Variants in BAIAP2L2 observed in about 807,000 individuals in gnomAD.
BAIAP2L2 encodes the protein BAR/IMD domain-containing adapter protein 2-like 2.
In BAIAP2L2, 65 loss-of-function variants were observed where a neutral mutation model predicts 60.4. The observed-to-expected ratio is 1.08, with a 90% confidence interval of 0.88 to 1.32. The LOEUF (loss-of-function observed/expected upper bound fraction) is 1.32, where lower values mean the gene tolerates loss of function less well. Ranked by LOEUF, BAIAP2L2 falls within the 40% of genes most tolerant of loss-of-function variation. The probability of loss-of-function intolerance (pLI) is 0.00; values close to 1 mark genes in which losing one functional copy is unlikely to be tolerated. For synonymous variants in BAIAP2L2, 344 were observed against 301.7 expected, an observed-to-expected ratio of 1.14 and a Z score of -1.45; for missense variants, 836 against 741.2, an observed-to-expected ratio of 1.13 and a Z score of -1.48.
intron 10 of BAIAP2L2, 37 bp downstream of exon 10, chr22:38,088,711 T>TCGGGGGGG: frequency 6.5e-7 from 1 of 1,543,482 alleles, no homozygotes; most frequent in African/African-American, 1.4e-5. Flanking sequence ...GGCCTTCTTC[T>TCGGGGGGG]CAACCCACCC....
At position 38,110,481 on chromosome 22, in the gene BAIAP2L2, G is replaced by A. The variant is rs757594240; in HGVS notation, c.45C>T (p.Ile15=). The change falls in exon 1 of 14, where the codon ATC becomes ATT. Residue 15 remains isoleucine (I), a synonymous_variant. Transcript: ENST00000381669. ...TGGCCACCCATGTGCTCACCTTGTA[G>A]ATGGCCATGGTGGACCTGTAGAACT... is the stretch of plus-strand genomic sequence containing the variant. The part of the protein sequence containing the change: ...MDQFYRSTMA[I]YKSIMEQFNP... 14 of 1,612,058 alleles carry A rather than the reference G, an allele frequency of 8.7e-6. No individual in the cohort carries two copies. The South Asian group carries it at 1.4e-4, about 16-fold the overall frequency.
intron 7 of BAIAP2L2, among the ~76,000 whole-genome samples, chr22:38,094,866 C>T (rs2086392441): frequency 6.7e-6 from 1 of 149,458 alleles, no homozygotes; most frequent in South Asian, 2.2e-4. Flanking sequence ...GAACCCCAAG[C>T]CAGGACCGGG....
chr22:38,107,640 A>G (rs1273012450), intron 4 of BAIAP2L2, among the ~76,000 whole-genome samples: 1 of 152,100 alleles, frequency 6.6e-6, no homozygotes, highest in East Asian at 1.9e-4. Flanking sequence ...TTCTTCCTCT[A>G]TAAAATGGAG....
At chr22:38,103,673 G>A (rs1271095506) in intron 4 of BAIAP2L2, among the ~76,000 whole-genome samples, 1 of 152,064 alleles carries the variant, frequency 6.6e-6, no homozygotes, top group Non-Finnish European at 1.5e-5. Flanking sequence ...GATCAGCCTG[G>A]CCAACAAGGT....
At chr22:38,098,003 T>TGC in intron 6 of BAIAP2L2, 60 bp downstream of exon 6, 6 of 540,968 alleles carry the variant, frequency 1.1e-5, no homozygotes, top group Non-Finnish European at 1.5e-5. Context: ...GGGCCCGGTC[T>TGC]CGCCCCGAGG....
At position 38,088,911 on chromosome 22, in the gene BAIAP2L2, G is replaced by A; in HGVS notation, c.955C>T (p.Arg319Cys). Residue 319 changes from arginine (R) to cysteine (C), a missense_variant, in exon 10 of 14, where the codon CGC (arginine) becomes TGC (cysteine). Coordinates refer to ENST00000381669, the MANE Select transcript of BAIAP2L2 (RefSeq NM_025045.6). ...CTGGCGCCCCCGCCGCCGCCCGGGC[G>A]CTCGCCAAAGGAGTTGGAGCGCGAG... ...QSSRSNSFGERPGGGGGARRV... is the reference protein window; with the variant it reads ...QSSRSNSFGECPGGGGGARRV... 2.6e-6 allele frequency: 4 copies of A among 1,557,648 alleles called. No homozygotes were observed. Among genetic ancestry groups the A allele is most frequent in the Non-Finnish European group, 1.7e-6 (2 of 1,159,198 alleles).
In BAIAP2L2 at chr22:38,108,940, G is replaced by A. The variant is rs548658231; in HGVS notation, c.127+193C>T. Among the ~76,000 whole-genome samples the A allele has an allele frequency of 1.2e-4, 19 of 152,114 alleles. No individual in the cohort carries two copies. In the East Asian group the frequency reaches 2.3e-3, roughly 19 times the overall value. ...TGAGGGGTGCTGGGTGTGGACTGGG[G>A]TGCGTGGGCACAGGAGAGTGGGGGT... On this transcript the variant is annotated intron_variant, in intron 2 of 13. Transcript: ENST00000381669.
intron 1 of BAIAP2L2, 118 bp downstream of exon 1, chr22:38,110,357 A>C (rs1488124643): frequency 1.8e-6 from 2 of 1,086,080 alleles, no homozygotes; most frequent in Non-Finnish European, 2.7e-6. Flanking sequence ...GCCTGGCTCC[A>C]GGCTTCCCTT....
intron 4 of BAIAP2L2, 97 bp downstream of exon 4, chr22:38,107,755 C>T (rs2086693918): frequency 5.0e-6 from 6 of 1,194,798 alleles, no homozygotes; most frequent in Non-Finnish European, 7.4e-6. Flanking sequence ...CACGGTCATC[C>T]TCCCTGGGAA....
At chr22:38,094,053 A>G (rs1431281445) in intron 7 of BAIAP2L2, 2 of 454,984 alleles carry the variant, frequency 4.4e-6, no homozygotes, top group South Asian at 1.5e-5. Context: ...GCCAGTCGCA[A>G]AAGAGCACAC....
chr22:38,093,449 C>T (rs921892850), intron 7 of BAIAP2L2, among the ~76,000 whole-genome samples: 2 of 152,216 alleles, frequency 1.3e-5, no homozygotes, highest in African/African-American at 4.8e-5. Context: ...ACAGCTCCCT[C>T]CTGAGGGACC....
chr22:38,085,086 TC>T lies in BAIAP2L2; in HGVS notation c.*213del. The T allele has an allele frequency of 1.9e-6, 1 of 535,710 alleles. No individual in the cohort carries two copies. Among genetic ancestry groups the T allele is most frequent in the Middle Eastern group, 5.3e-4 (1 of 1,902 alleles). The allele number at this position is 535,710 out of a possible 1,614,324, so 33.2% of individuals were successfully genotyped here. A position where few individuals can be genotyped will look rare whatever the true frequency, so the allele number is the denominator to read the frequency against. ...CCCTGGAGGGGGAGAAATTGTCCTGTCCCCCCATTCCGCCTGCTTTACTTTG... is the reference window on the plus strand; with the variant it reads ...CCCTGGAGGGGGAGAAATTGTCCTGTCCCCCATTCCGCCTGCTTTACTTTG... On this transcript the variant is annotated 3_prime_UTR_variant, in exon 14 of 14. Transcript: ENST00000381669.
Position 38,086,389 on chromosome 22 carries a change from G to A in BAIAP2L2, c.1320C>T (p.Ser440=). 6.5e-7 allele frequency: 1 copy of A among 1,540,146 alleles called. No individual in the cohort carries two copies. The highest frequency in any genetic ancestry group is 8.8e-7 in the Non-Finnish European group (1 of 1,137,640). The change falls in exon 12 of 14, where the codon TCC becomes TCT. Residue 440 remains serine, a synonymous_variant. Transcript: ENST00000381669. The part of the protein sequence containing the change: ...LDDLLDRPGN[S]IAPSEYWDGQ... ...CATCCCAGTACTCCGAGGGTGCTATGGAGTTGCCCGGCCGGTCCAGGAGGT... is the reference window on the plus strand; with the variant it reads ...CATCCCAGTACTCCGAGGGTGCTATAGAGTTGCCCGGCCGGTCCAGGAGGT...
chr22:38,109,341 G>T (rs749959234), intron 1 of BAIAP2L2, 133 bp from the exon 2 acceptor site: 30 of 687,918 alleles, frequency 4.4e-5, no homozygotes, highest in Admixed American at 9.6e-5. Flanking sequence ...ACTTTGGGGG[G>T]CCCATCTACA....
rs142541980 is a variant in BAIAP2L2 at position 38,087,605 on chromosome 22, T to G, written c.1119-341A>C. On this transcript the variant is annotated intron_variant, in intron 10 of 13. Coordinates refer to ENST00000381669, the MANE Select transcript of BAIAP2L2 (RefSeq NM_025045.6). The stretch of plus-strand genomic sequence containing the variant: ...TGCTGTGGGTCTGTGAAGCAGCCAC[T>G]CCAGCAGCAGGTGTCCCTATCGTTG... Among the ~76,000 whole-genome samples the G allele has an allele frequency of 5.3e-3, 802 of 152,060 alleles. 6 individuals carry two copies. The highest frequency in any genetic ancestry group is 0.019 in the African/African-American group (769 of 41,442).
chr22:38,092,085 T>C (rs1481027664), intron 7 of BAIAP2L2, among the ~76,000 whole-genome samples: 2 of 152,234 alleles, frequency 1.3e-5, no homozygotes, highest in Admixed American at 6.5e-5. Context: ...GGCTTACCAA[T>C]TCCACTTCTA....
At chr22:38,086,995 CAAAA>C (rs566442023) in intron 11 of BAIAP2L2, 125 bp downstream of exon 11, 3 of 899,936 alleles carry the variant, frequency 3.3e-6, no homozygotes, top group Admixed American at 6.1e-5. Context: ...GACTCTGTCT[CAAAA>C]AAAAAAAAAC....
intron 4 of BAIAP2L2, among the ~76,000 whole-genome samples, chr22:38,106,665 C>T (rs1249826228): frequency 6.6e-6 from 1 of 152,150 alleles, no homozygotes; most frequent in East Asian, 1.9e-4. Context: ...AATTTCCTTC[C>T]GAACCTTCCC....
rs1198353041 is a variant in BAIAP2L2, at chr22:38,098,091, T to C, written c.437A>G (p.Lys146Arg). ...CATCTCCCGCACGTTCTTGTCTCTC[T>C]TGCGCTCCATGCGCCACAGCTCAGA... is the stretch of plus-strand genomic sequence containing the variant. ...CMSELWRMERKRDKNVREMKE... is the reference protein window; with the variant it reads ...CMSELWRMERRRDKNVREMKE... Residue 146 changes from lysine (K) to arginine (R), a missense_variant, in exon 6 of 14, where the codon AAG (lysine) becomes AGG (arginine). Transcript: ENST00000381669. The C allele has an allele frequency of 1.3e-6, 2 of 1,575,630 alleles. No homozygotes were observed. The highest frequency in any genetic ancestry group is 1.7e-5 in the Admixed American group (1 of 58,722).
Sources: gnomAD v4.1 joint callset for allele counts (sites outside exome capture counted in the v4.1 genomes callset) on GRCh38, gnomAD v4.1.1 for gene constraint, MANE v1.5 for transcripts, NCBI Gene and HGNC (gene_info 2026-07-23, HGNC 2026-07-21) for gene names.